ST8SIA2: variants seen among roughly 807,000 people sequenced by gnomAD.
ST8SIA2 encodes the protein ST8 alpha-N-acetyl-neuraminide alpha-2,8-sialyltransferase 2.
Under a neutral mutation model 37.6 loss-of-function variants are expected in ST8SIA2, and 22 were observed. The observed-to-expected ratio is 0.58, with a 90% confidence interval of 0.42 to 0.83. ST8SIA2 has a LOEUF of 0.83. Ranked by LOEUF, ST8SIA2 falls within the 40% of genes least tolerant of loss-of-function variation. The probability of loss-of-function intolerance (pLI) is 0.00; values close to 1 mark genes in which losing one functional copy is unlikely to be tolerated. For missense variants in ST8SIA2, 382 were observed against 484.7 expected (o/e 0.79, Z 1.99); for synonymous variants, 205 against 201.2 (o/e 1.02, Z -0.16).
intron 5 of ST8SIA2, among the ~76,000 whole-genome samples, chr15:92,447,518 C>T (rs2049850754): frequency 6.6e-6 from 1 of 152,182 alleles, no homozygotes; most frequent in African/African-American, 2.4e-5. Flanking sequence ...GCCCAGTGTA[C>T]AGACTCCCCA....
chr15:92,403,593 T>C (rs1469413291), intron 1 of ST8SIA2, among the ~76,000 whole-genome samples: 1 of 152,160 alleles, frequency 6.6e-6, no homozygotes, highest in Non-Finnish European at 1.5e-5. Flanking sequence ...GAAAATCGGC[T>C]GCACGCGGAG....
intron 2 of ST8SIA2, among the ~76,000 whole-genome samples, chr15:92,432,612 T>C (rs2049723851): frequency 6.6e-6 from 1 of 152,170 alleles, no homozygotes. Context: ...GGTTAGGTCT[T>C]GTGTACCCTC....
At chr15:92,419,768 A>G (rs942314730) in intron 1 of ST8SIA2, among the ~76,000 whole-genome samples, 2 of 152,080 alleles carry the variant, frequency 1.3e-5, no homozygotes, top group African/African-American at 4.8e-5. Context: ...CAGCATACAT[A>G]TATGTATTGC....
intron 5 of ST8SIA2, among the ~76,000 whole-genome samples, chr15:92,458,424 G>T (rs552040678): frequency 6.2e-4 from 94 of 152,294 alleles, no homozygotes; most frequent in African/African-American, 2.3e-3. Context: ...GTTGAGTGCT[G>T]CCGTCTCTGC....
At chr15:92,426,939 C>A (rs562836509) in intron 1 of ST8SIA2, among the ~76,000 whole-genome samples, 1 of 151,976 alleles carries the variant, frequency 6.6e-6, no homozygotes, top group African/African-American at 2.4e-5. Context: ...ACTAAAAATA[C>A]AAAAATTAGC....
chr15:92,418,179 C>T (rs1366318684), intron 1 of ST8SIA2, among the ~76,000 whole-genome samples: 2 of 152,042 alleles, frequency 1.3e-5, no homozygotes, highest in Non-Finnish European at 2.9e-5. Context: ...ATGGGCCTGG[C>T]ATGGTGGCTC....
chr15:92,461,031 G>A (rs1310543794), intron 5 of ST8SIA2, among the ~76,000 whole-genome samples: 1 of 152,166 alleles, frequency 6.6e-6, no homozygotes, highest in African/African-American at 2.4e-5. Flanking sequence ...AGGAAGGTTT[G>A]GAGAGAGAGA....
chr15:92,452,394 C>G (rs2049888187), intron 5 of ST8SIA2, among the ~76,000 whole-genome samples: 1 of 152,204 alleles, frequency 6.6e-6, no homozygotes, highest in Non-Finnish European at 1.5e-5. Flanking sequence ...CAATGAACCT[C>G]CCAGGGGCAA....
chr15:92,427,024 G>A (rs1051905835), intron 1 of ST8SIA2, among the ~76,000 whole-genome samples: 1 of 152,216 alleles, frequency 6.6e-6, no homozygotes, highest in Admixed American at 6.5e-5. Context: ...AACCCAGGAG[G>A]TGGAGGTTGT....
intron 1 of ST8SIA2, among the ~76,000 whole-genome samples, chr15:92,404,317 A>G (rs923631594): frequency 1.3e-5 from 2 of 152,138 alleles, no homozygotes; most frequent in South Asian, 4.1e-4. Flanking sequence ...CAGGCAAATG[A>G]CCTCACCTTT....
intron 1 of ST8SIA2, among the ~76,000 whole-genome samples, chr15:92,417,015 C>T (rs1247469491): frequency 4.6e-5 from 7 of 152,254 alleles, no homozygotes; most frequent in Non-Finnish European, 8.8e-5. Flanking sequence ...TCAAACTCCA[C>T]AGGCAGCAAC....
chr15:92,419,617 A>G (rs1347225435), intron 1 of ST8SIA2, among the ~76,000 whole-genome samples: 1 of 152,192 alleles, frequency 6.6e-6, no homozygotes, highest in African/African-American at 2.4e-5. Context: ...ACGCCGAGGC[A>G]GGGTGAGAGG....
intron 1 of ST8SIA2, among the ~76,000 whole-genome samples, chr15:92,416,502 C>T (rs2049588011): frequency 6.6e-6 from 1 of 152,078 alleles, no homozygotes; most frequent in South Asian, 2.1e-4. Context: ...ACCCCAGCAT[C>T]CTGAGGGGCT....
chr15:92,395,072 C>A (rs925773045), intron 1 of ST8SIA2, among the ~76,000 whole-genome samples: 6 of 151,790 alleles, frequency 4.0e-5, no homozygotes, highest in African/African-American at 1.5e-4. Flanking sequence ...ACTCGCGCCC[C>A]GCCCCGCAGC....
intron 5 of ST8SIA2, among the ~76,000 whole-genome samples, chr15:92,451,547 C>T (rs1303301242): frequency 6.6e-6 from 1 of 152,146 alleles, no homozygotes; most frequent in Non-Finnish European, 1.5e-5. Flanking sequence ...TGCCCCTTCA[C>T]AACAAAGGCA....
intron 5 of ST8SIA2, among the ~76,000 whole-genome samples, chr15:92,453,228 ACACC>A (rs892664054): frequency 1.3e-5 from 2 of 152,062 alleles, no homozygotes; most frequent in African/African-American, 4.8e-5. Context: ...CTGACCATTG[ACACC>A]CAAAGGATGC....
chr15:92,430,610 C>A (rs192085145), intron 2 of ST8SIA2, among the ~76,000 whole-genome samples: 159 of 152,302 alleles, frequency 1.0e-3, no homozygotes, highest in African/African-American at 3.5e-3. Flanking sequence ...AAGAGTGTTT[C>A]TACTTCATGT....
chr15:92,432,150 C>T (rs1444140021), intron 2 of ST8SIA2, among the ~76,000 whole-genome samples: 1 of 152,160 alleles, frequency 6.6e-6, no homozygotes, highest in African/African-American at 2.4e-5. Flanking sequence ...CCATGAGACA[C>T]CAGAGCCCAG....
chr15:92,419,893 G>T (rs2049619415), intron 1 of ST8SIA2, among the ~76,000 whole-genome samples: 1 of 152,188 alleles, frequency 6.6e-6, no homozygotes, highest in African/African-American at 2.4e-5. Flanking sequence ...TTGAGATAGA[G>T]TCTCGCTCTG....
Sources: gnomAD v4.1 joint callset for allele counts (sites outside exome capture counted in the v4.1 genomes callset) on GRCh38, gnomAD v4.1.1 for gene constraint, MANE v1.5 for transcripts, NCBI Gene and HGNC (gene_info 2026-07-23, HGNC 2026-07-21) for gene names.